Variants in ARAP3 observed in about 807,000 individuals in gnomAD.
ARAP3 encodes arf-GAP with Rho-GAP domain, ANK repeat and PH domain-containing protein 3.
A neutral mutation model predicts 169.2 loss-of-function variants in ARAP3; 82 were observed. That is an observed-to-expected ratio of 0.48 (90% CI 0.41 to 0.58). The LOEUF is 0.58. ARAP3 is among the 20% of genes least tolerant of loss of function. ARAP3 has a pLI of 0.00. For synonymous variants in ARAP3, 791 were observed against 800.3 expected, an observed-to-expected ratio of 0.99 and a Z score of 0.20; for missense variants, 1,764 against 2,018.0, an observed-to-expected ratio of 0.87 and a Z score of 2.41.
At chr5:141,673,930 A>C in intron 4 of ARAP3, 122 bp from the exon 5 acceptor site, 2 of 508,044 alleles carry the variant, frequency 3.9e-6, no homozygotes, top group Non-Finnish European at 6.2e-6. Context: ...ACTGGATCTG[A>C]TTTTCTTTTC....
chr5:141,679,788 G>A lies in ARAP3; in HGVS notation c.559C>T (p.Pro187Ser), dbSNP rs2099912724. 4 of 1,613,564 alleles carry A rather than the reference G, an allele frequency of 2.5e-6. No individual in the cohort carries two copies. The African/African-American group carries it at 4.0e-5, about 16-fold the overall frequency. The change falls in exon 3 of 33, where the codon CCT (proline) becomes TCT (serine). Residue 187 changes from proline (P) to serine (S), a missense_variant. By Grantham distance (74) the Pro-to-Ser change is moderately conservative (BLOSUM62 -1). Transcript: ENST00000239440. ...PDSSQISAPT[P>S]ALRPTTGTVH... ...GTGCCTGTTGTGGGCCTGAGGGCAGGGGTGGGGGCAGAGATTTGGGAGCTG... is the reference window on the plus strand; with the variant it reads ...GTGCCTGTTGTGGGCCTGAGGGCAGAGGTGGGGGCAGAGATTTGGGAGCTG...
rs1257125241 is a variant in ARAP3 at position 141,679,888 on chromosome 5, C to A, written c.525-66G>T. The A allele has an allele frequency of 3.7e-5, 60 of 1,610,620 alleles. No individual in the cohort carries two copies. In the South Asian group the frequency reaches 4.3e-4, roughly 12 times the overall value. On this transcript the variant is annotated intron_variant, in intron 2 of 32. Transcript: ENST00000239440. ...GAAGAACAAGCCTTCATGCCCTGCT[C>A]CCCGCCTCCGTCCCCCTCATGCTCT...
chr5:141,667,957 G>A (rs1264572133), intron 16 of ARAP3, among the ~76,000 whole-genome samples: 1 of 151,740 alleles, frequency 6.6e-6, no homozygotes, highest in Non-Finnish European at 1.5e-5. Flanking sequence ...CAAGAGAATC[G>A]CTTGAACCCA....
intron 21 of ARAP3, 79 bp from the exon 22 acceptor site, chr5:141,660,005 G>A: frequency 1.4e-6 from 2 of 1,479,728 alleles, no homozygotes; most frequent in Non-Finnish European, 1.8e-6. Flanking sequence ...TGTATGCCTG[G>A]GCTAAGTGCT....
intron 23 of ARAP3, 133 bp from the exon 24 acceptor site, chr5:141,658,786 G>A (rs1031548096): frequency 1.3e-6 from 1 of 753,342 alleles, no homozygotes; most frequent in Admixed American, 3.2e-5. Context: ...TGTCACTCAG[G>A]CTCTTAAAAG....
chr5:141,656,173 G>A (rs185928279), intron 28 of ARAP3, 21 bp downstream of exon 28: 60 of 1,614,088 alleles, frequency 3.7e-5, no homozygotes, highest in Middle Eastern at 1.6e-4. Context: ...CTGGAAGTGC[G>A]GGCTGGGGAA....
Position 141,669,854 on chromosome 5 carries a change from G to C in ARAP3, c.2250-43C>G, listed in dbSNP as rs764028251. 5.0e-6 allele frequency: 8 copies of C among 1,611,766 alleles called. No homozygotes were observed. In the Admixed American group the frequency reaches 1.2e-4, roughly 24 times the overall value. ...TCAGGGAGGAGGATGGGACCAATGA[G>C]AGGGCTGTCAGGCTGGAGGTTGGGA... On this transcript the variant is annotated intron_variant, in intron 15 of 32. Transcript: ENST00000239440.
At chr5:141,669,400 T>G (rs962842676) in intron 16 of ARAP3, among the ~76,000 whole-genome samples, 1 of 152,198 alleles carries the variant, frequency 6.6e-6, no homozygotes, top group African/African-American at 2.4e-5. Context: ...CCGTGAGCTT[T>G]GCAGACAGAG....
intron 18 of ARAP3, 24 bp from the exon 19 acceptor site, chr5:141,665,109 A>AG: frequency 6.3e-7 from 1 of 1,598,828 alleles, no homozygotes; most frequent in East Asian, 2.2e-5. Flanking sequence ...GGCCTGAATC[A>AG]GAGCCAGCTC....
intron 4 of ARAP3, among the ~76,000 whole-genome samples, chr5:141,678,269 C>A (rs558774422): frequency 2.4e-4 from 36 of 151,988 alleles, no homozygotes; most frequent in African/African-American, 8.7e-4. Flanking sequence ...GCCTCTTTTA[C>A]CTCTCTGACT....
At position 141,679,545 on chromosome 5, in the gene ARAP3, C is replaced by T; in HGVS notation, c.698G>A (p.Arg233Lys). The T allele has an allele frequency of 1.2e-6, 2 of 1,613,998 alleles. No individual in the cohort carries two copies. The highest frequency in any genetic ancestry group is 1.7e-6 in the Non-Finnish European group (2 of 1,179,946). The stretch of plus-strand genomic sequence containing the variant: ...CACCACTTCCCTATTTAGTACTCAC[C>T]TGTGTTCAGCCCTGCCCTGACAAAC... ...RGVCQGRAEH[R>K]LSRQDLEARE... The change falls in exon 4 of 33, where the codon AGG becomes AAG. Residue 233 changes from arginine to lysine, a missense_variant and splice_region_variant. This residue lies in a region of ARAP3 where 630 missense variants were observed against 678.7 expected (regional missense o/e 0.93). Transcript: ENST00000239440.
Position 141,656,242 on chromosome 5 carries a change from C to A in ARAP3, c.3824G>T (p.Gly1275Val). The change falls in exon 28 of 33, where the codon GGT (glycine) becomes GTT (valine). Residue 1275 changes from glycine (G) to valine (V), a missense_variant. Gly to Val is a moderately radical substitution (Grantham distance 109). Around this residue, in one of 3 missense-constraint regions of ARAP3, gnomAD observed 1,112 missense variants for 1,285.7 expected, o/e 0.86. Coordinates refer to ENST00000239440, the MANE Select transcript of ARAP3 (RefSeq NM_022481.6). ...SKPEREWPLE[G>V]AKVYLGIRKK... ...GCGGATTCCCAGGTAGACCTTGGCA[C>A]CTTCCAAAGGCCACTCCCGTTCTGG... 1 of 1,614,116 alleles carries A rather than the reference C, an allele frequency of 6.2e-7. No homozygotes were observed. Among genetic ancestry groups the A allele is most frequent in the Non-Finnish European group, 8.5e-7 (1 of 1,180,022 alleles).
At chr5:141,664,872 A>G in intron 19 of ARAP3, 50 bp downstream of exon 19, 1 of 202,012 alleles carries the variant, frequency 5.0e-6, no homozygotes, top group East Asian at 2.4e-4. Flanking sequence ...CCCCCTCATC[A>G]CCCCCACCCC....
intron 19 of ARAP3, 58 bp from the exon 20 acceptor site, chr5:141,662,313 C>A (rs557813309): frequency 1.1e-5 from 17 of 1,570,990 alleles, no homozygotes; most frequent in Non-Finnish European, 1.4e-5. Flanking sequence ...CCACCCACCA[C>A]GGCCCATCTG....
At chr5:141,679,914 C>G (rs752747230) in intron 2 of ARAP3, 49 bp downstream of exon 2, 31 of 1,612,662 alleles carry the variant, frequency 1.9e-5, no homozygotes, top group Non-Finnish European at 2.5e-5. Context: ...CTCATGCTCT[C>G]CTCCCCACTC....
chr5:141,659,650 T>C lies in ARAP3; in HGVS notation c.3267+129A>G, dbSNP rs886160486. On this transcript the variant is annotated intron_variant, in intron 22 of 32. Coordinates refer to ENST00000239440, the MANE Select transcript of ARAP3 (RefSeq NM_022481.6). The stretch of plus-strand genomic sequence containing the variant: ...GAAGAAGGGCCAGGGCTCTGGGAGG[T>C]AGTTCCTGGTATAGCTGGCCACCAG... The C allele has an allele frequency of 2.8e-5, 39 of 1,384,684 alleles. No individual in the cohort carries two copies. The South Asian group carries it at 5.1e-4, about 18-fold the overall frequency. The allele number at this position is 1,384,684 out of a possible 1,614,324, so 85.8% of individuals were successfully genotyped here.
At position 141,656,061 on chromosome 5, in the gene ARAP3, C is replaced by T. The variant is rs1440539336; in HGVS notation, c.3908+3G>A. The T allele has an allele frequency of 6.2e-7, 1 of 1,614,122 alleles. No homozygotes were observed. The highest frequency in any genetic ancestry group is 1.7e-5 in the Admixed American group (1 of 60,024). ...AGGAGAAGCCAGGGCAGGAGGTACT[C>T]ACAGGTGCATCTTCTCTAGTATCAA... On this transcript the variant is annotated splice_donor_region_variant and intron_variant, in intron 29 of 32. Coordinates refer to ENST00000239440, the MANE Select transcript of ARAP3 (RefSeq NM_022481.6).
In ARAP3 at chr5:141,656,611, C is replaced by T; in HGVS notation, c.3682G>A (p.Gly1228Arg). 6.2e-7 allele frequency: 1 copy of T among 1,613,356 alleles called. No homozygotes were observed. Among genetic ancestry groups the T allele is most frequent in the Non-Finnish European group, 8.5e-7 (1 of 1,179,714 alleles). Residue 1228 changes from glycine (G) to arginine (R), a missense_variant, in exon 27 of 33, where the codon GGG becomes AGG. Gly to Arg is a moderately radical substitution (Grantham distance 125, BLOSUM62 -2). Transcript: ENST00000239440. ...GGCTCCTCACGACACCGCAACAGCC[C>T]CACCCGTGGGCTCTCACGTCGGATA... The part of the protein sequence containing the change: ...TGIRRESPRV[G>R]LLRCREEPPR...
chr5:141,675,974 C>CGTCT (rs755254621), intron 4 of ARAP3, among the ~76,000 whole-genome samples: 5 of 152,160 alleles, frequency 3.3e-5, no homozygotes, highest in Non-Finnish European at 7.3e-5. Flanking sequence ...ATCACTTAGA[C>CGTCT]ATCCCTCACT....
Sources: gnomAD v4.1 joint callset for allele counts (sites outside exome capture counted in the v4.1 genomes callset) on GRCh38, gnomAD v4.1.1 for gene constraint, gnomAD v4.1.1 regional missense constraint, MANE v1.5 for transcripts, NCBI Gene and HGNC (gene_info 2026-07-23, HGNC 2026-07-21) for gene names.